Variants in PLCH2 observed in about 807,000 individuals in gnomAD.
PLCH2 encodes the protein phospholipase C eta 2.
Under a neutral mutation model 134.7 loss-of-function variants are expected in PLCH2, and 98 were observed. The observed-to-expected ratio is 0.73, with a 90% CI of 0.62 to 0.86. The LOEUF (loss-of-function observed/expected upper bound fraction) is 0.86. Ranked by LOEUF, PLCH2 falls within the 40% of genes least tolerant of loss-of-function variation. PLCH2 has a pLI of 0.00. For synonymous variants in PLCH2, 974 were observed against 827.5 expected (o/e 1.18, Z -3.04); for missense variants, 1,994 against 1,986.6 (o/e 1.00, Z -0.07).
chr1:2,501,448 G>A (rs1338154070), intron 20 of PLCH2: 1 of 152,354 alleles, frequency 6.6e-6, no homozygotes, highest in South Asian at 2.1e-4. Context: ...CAGGGCTCAG[G>A]GGGCAGCAAG....
chr1:2,504,582 G>T lies in PLCH2; in HGVS notation c.3620G>T (p.Arg1207Leu). The change falls in exon 22 of 22, where the codon CGG becomes CTG. Residue 1207 changes from arginine (R) to leucine (L), a missense_variant. Physicochemically the swap from Arg to Leu is moderately radical, Grantham distance 102. Around this residue, in one of 2 missense-constraint regions of PLCH2, gnomAD observed 900 missense variants for 752.3 expected, o/e 1.20. Transcript: ENST00000378486. ...AAGAGCAAATCCAACCCCAACCTTC[G>T]GGCTACAGGCCAGCGGCCTCCCATA... Reference protein sequence around the residue: ...VTKSKSNPNLRATGQRPPIPD... With the variant: ...VTKSKSNPNLLATGQRPPIPD... 1 of 1,612,718 alleles carries T rather than the reference G, an allele frequency of 6.2e-7. No individual in the cohort carries two copies. The highest frequency in any genetic ancestry group is 8.5e-7 in the Non-Finnish European group (1 of 1,179,794).
At chr1:2,497,398 A>G in intron 15 of PLCH2, 104 bp from the exon 16 acceptor site, 1 of 712,384 alleles carries the variant, frequency 1.4e-6, no homozygotes, top group Admixed American at 2.3e-5. Flanking sequence ...GACGGCAGAT[A>G]CGCGGCAGCT....
intron 2 of PLCH2, among the ~76,000 whole-genome samples, chr1:2,436,762 G>A (rs974080067): frequency 6.6e-6 from 1 of 152,250 alleles, no homozygotes; most frequent in African/African-American, 2.4e-5. Context: ...AACTGGCACT[G>A]AGTGGGCATA....
intron 2 of PLCH2, among the ~76,000 whole-genome samples, chr1:2,433,141 C>T (rs781361209): frequency 3.9e-5 from 6 of 152,316 alleles, no homozygotes; most frequent in Non-Finnish European, 8.8e-5. Flanking sequence ...ACTGAGCCAG[C>T]AAAGGTAAAT....
chr1:2,492,540 C>T (rs1191567366), intron 11 of PLCH2: 1 of 152,416 alleles, frequency 6.6e-6, no homozygotes, highest in African/African-American at 2.4e-5. Flanking sequence ...GGCTCAGGCA[C>T]AGCCACGAAG....
rs1643042157 is a variant in PLCH2, at chr1:2,498,776, T to C, written c.2382T>C (p.Ile794=). Reference sequence around the variant, plus strand: ...ACCCCTTTGTGGAGGTGGAGATCATTGGGCTCCCTGTGGACTGCAGCAGGG... The same window carrying C: ...ACCCCTTTGTGGAGGTGGAGATCATCGGGCTCCCTGTGGACTGCAGCAGGG... ...IIDPFVEVEI[I]GLPVDCSREQ... The change falls in exon 18 of 22, where the codon ATT becomes ATC. Residue 794 remains isoleucine (I), a synonymous_variant. Transcript: ENST00000378486. The surrounding 1 kb of genome is among the most constrained non-coding windows in gnomAD (Gnocchi z 5.4). 4.3e-6 allele frequency: 7 copies of C among 1,611,512 alleles called. No homozygotes were observed. The highest frequency in any genetic ancestry group is 5.9e-6 in the Non-Finnish European group (7 of 1,179,286).
At chr1:2,495,397 C>A in intron 12 of PLCH2, 91 bp from the exon 13 acceptor site, 6 of 1,108,732 alleles carry the variant, frequency 5.4e-6, no homozygotes, top group Non-Finnish European at 7.8e-6. Context: ...CTGGGGACCC[C>A]GGAGGATAGG....
intron 8 of PLCH2, among the ~76,000 whole-genome samples, chr1:2,488,392 G>T (rs1642391486): frequency 6.6e-6 from 1 of 152,190 alleles, no homozygotes; most frequent in Non-Finnish European, 1.5e-5. Flanking sequence ...GGACAGAGTT[G>T]CACCTATGAC....
chr1:2,499,202 G>A lies in PLCH2; in HGVS notation c.2553G>A (p.Arg851=), dbSNP rs1217926511. 1.9e-6 allele frequency: 3 copies of A among 1,612,924 alleles called. No homozygotes were observed. The highest frequency in any genetic ancestry group is 1.7e-5 in the Admixed American group (1 of 59,990). Residue 851 remains arginine, a synonymous_variant, in exon 19 of 22, where the codon AGG becomes AGA. Coordinates refer to ENST00000378486, the MANE Select transcript of PLCH2 (RefSeq NM_014638.4). ...TCGGGCGTGACTTCATTGGCCAGAGGACGCTGGCCTTCAGCAGCATGATGC... is the reference window on the plus strand; with the variant it reads ...TCGGGCGTGACTTCATTGGCCAGAGAACGCTGGCCTTCAGCAGCATGATGC... ...DPIGRDFIGQ[R]TLAFSSMMPG... is the part of the protein sequence containing the mutation.
Position 2,487,244 on chromosome 1 carries a change from A to G in PLCH2, c.982A>G (p.Met328Val). The G allele has an allele frequency of 6.2e-7, 1 of 1,610,300 alleles. No homozygotes were observed. Among genetic ancestry groups the G allele is most frequent in the Non-Finnish European group, 8.5e-7 (1 of 1,178,444 alleles). Residue 328 changes from methionine to valine, a missense_variant, in exon 7 of 22, where the codon ATG becomes GTG. Met to Val is a conservative substitution (Grantham distance 21). Around this residue, in one of 2 missense-constraint regions of PLCH2, gnomAD observed 1,094 missense variants for 1,234.3 expected, o/e 0.89. Transcript: ENST00000378486. ...TGAGCACCACCATGTGCACCAGGAC[A>G]TGACGCAGCCGCTGAGCCACTACTT... Reference protein sequence around the residue: ...NPEHHHVHQDMTQPLSHYFIT... With the variant: ...NPEHHHVHQDVTQPLSHYFIT...
In PLCH2 at chr1:2,498,546, G is replaced by A. The variant is rs200857295; in HGVS notation, c.2248G>A (p.Asp750Asn). The change falls in exon 17 of 22, where the codon GAC becomes AAC. Residue 750 changes from aspartate (D) to asparagine (N), a missense_variant. By Grantham distance (23) the Asp-to-Asn change is conservative. This residue lies in a region of PLCH2 where 1,094 missense variants were observed against 1,234.3 expected (regional missense o/e 0.89). Transcript: ENST00000378486. The surrounding 1 kb of genome is among the most constrained non-coding windows in gnomAD (Gnocchi z 5.4). Reference sequence around the variant, plus strand: ...AGGCGTGTTCAACCCCAACTCGGAGGACCCCCTGCCCGGGCAGCTCAAGAA... The same window carrying A: ...AGGCGTGTTCAACCCCAACTCGGAGAACCCCCTGCCCGGGCAGCTCAAGAA... ...CQGVFNPNSEDPLPGQLKKQL... is the reference protein window; with the variant it reads ...CQGVFNPNSENPLPGQLKKQL... 474 of 1,607,892 alleles carry A rather than the reference G, an allele frequency of 2.9e-4. 2 individuals are homozygous for A. Among genetic ancestry groups the A allele is most frequent in the South Asian group, 6.2e-4 (56 of 90,322 alleles).
In PLCH2 at chr1:2,478,475, G is replaced by T; in HGVS notation, c.125-1G>T. On this transcript the variant is annotated splice_acceptor_variant, in intron 1 of 21. Coordinates refer to ENST00000378486, the MANE Select transcript of PLCH2 (RefSeq NM_014638.4). LOFTEE classifies it high-confidence loss of function. ...GACAGCCGTGTCTCTCCCGTGTCCAGTGGAGCGGTGCATGGGTGCCATGCA... is the reference window on the plus strand; with the variant it reads ...GACAGCCGTGTCTCTCCCGTGTCCATTGGAGCGGTGCATGGGTGCCATGCA... 1 of 1,612,698 alleles carries T rather than the reference G, an allele frequency of 6.2e-7. No homozygotes were observed. The highest frequency in any genetic ancestry group is 8.5e-7 in the Non-Finnish European group (1 of 1,179,770).
rs532424021 is a variant in PLCH2, at chr1:2,453,131, C to T, written c.115+22502C>T. Among the ~76,000 whole-genome samples, 10 of 152,298 alleles carry T rather than the reference C, an allele frequency of 6.6e-5. No individual in the cohort carries two copies. The East Asian group carries it at 1.2e-3, about 18-fold the overall frequency. ...CAGGCCTGGGCCGCCCATCCCCCAC[C>T]GTGCTACAAGCCTCCTGCCTGTCCC... is the stretch of plus-strand genomic sequence containing the variant. On this transcript the variant is annotated intron_variant, in intron 2 of 3. Coordinates refer to the PLCH2 transcript ENST00000609981.
chr1:2,497,110 T>C, intron 15 of PLCH2, 100 bp downstream of exon 15: 1 of 1,217,488 alleles, frequency 8.2e-7, no homozygotes. Flanking sequence ...GGGCCTCGGT[T>C]CTGTCCTGGG....
chr1:2,462,250 A>ACCCTCTGCCTGACAC (rs1424163620), intron 2 of PLCH2, among the ~76,000 whole-genome samples: 2 of 26,476 alleles, frequency 7.6e-5, no homozygotes, highest in African/African-American at 3.5e-4. Flanking sequence ...CTCCTCTGAT[A>ACCCTCTGCCTGACAC]CCCTCTGCCT....
upstream of PLCH2, among the ~76,000 whole-genome samples, chr1:2,472,138 C>G (rs138713647): frequency 6.6e-6 from 1 of 152,208 alleles, no homozygotes; most frequent in East Asian, 1.9e-4. Context: ...GGGGAGGGCT[C>G]GAGGCACCGA....
chr1:2,449,388 A>C (rs1490476454), intron 2 of PLCH2, among the ~76,000 whole-genome samples: 1 of 152,180 alleles, frequency 6.6e-6, no homozygotes, highest in African/African-American at 2.4e-5. Context: ...GCTACTTGGG[A>C]GGCTGAGGCA....
intron 1 of PLCH2, among the ~76,000 whole-genome samples, chr1:2,470,571 C>T (rs551465907): frequency 1.3e-5 from 2 of 152,358 alleles, no homozygotes; most frequent in South Asian, 2.1e-4. Context: ...CGTGCCGGGA[C>T]GGATGTGGCG....
At chr1:2,436,783 T>C (rs1383366273) in intron 2 of PLCH2, among the ~76,000 whole-genome samples, 1 of 152,186 alleles carries the variant, frequency 6.6e-6, no homozygotes, top group Non-Finnish European at 1.5e-5. Flanking sequence ...TGCAGCCTTG[T>C]CGTGGGCACT....
Sources: allele counts gnomAD v4.1 joint callset (sites outside exome capture counted in the v4.1 genomes callset), GRCh38; gene constraint gnomAD v4.1.1; regional missense constraint gnomAD v4.1.1; non-coding constraint Gnocchi (gnomAD v3.1); transcripts MANE v1.5; gene names NCBI Gene and HGNC (gene_info 2026-07-23, HGNC 2026-07-21).